PCDHA4: variants seen among roughly 807,000 people sequenced by gnomAD.
PCDHA4 encodes the protein protocadherin alpha 4.
PCDHA4 carries 49 observed loss-of-function variants against 61.4 expected under a neutral mutation model. The observed-to-expected ratio is 0.80, with a 90% CI of 0.63 to 1.01. The LOEUF (loss-of-function observed/expected upper bound fraction) is 1.01. Ranked by LOEUF, PCDHA4 falls within the 50% of genes least tolerant of loss-of-function variation. The pLI is 0.00. For synonymous variants in PCDHA4, 590 were observed against 550.3 expected (o/e 1.07, Z -1.01); for missense variants, 1,254 against 1,235.8 (o/e 1.01, Z -0.22).
In PCDHA4 at chr5:140,852,833, T is replaced by C; in HGVS notation, c.2385+43261T>C. 14 of 971,734 alleles carry C rather than the reference T, an allele frequency of 1.4e-5. 1 individual carries two copies. Among genetic ancestry groups the C allele is most frequent in the Non-Finnish European group, 1.5e-5 (12 of 804,770 alleles). 60.2% of individuals were successfully genotyped at this position (971,734 alleles called of 1,614,324 possible). On this transcript the variant is annotated intron_variant, in intron 1 of 3. Transcript: ENST00000530339. ...CCCGCCCTAAGTCCTCCAGTCTCCT[T>C]AGAGCTAGTACTTACTAAGCATTTA...
intron 1 of PCDHA4, chr5:140,836,280 A>T: frequency 6.2e-7 from 1 of 1,613,762 alleles, no homozygotes; most frequent in South Asian, 1.1e-5. Flanking sequence ...TGAGATCAGC[A>T]CGACACGAGC....
At chr5:140,883,303 T>C in intron 1 of PCDHA4, 3 of 1,614,096 alleles carry the variant, frequency 1.9e-6, no homozygotes, top group Non-Finnish European at 2.5e-6. Flanking sequence ...ATGTAAATGA[T>C]AACGCCCCAG....
chr5:140,821,559 G>A (rs1767000496), intron 1 of PCDHA4: 2 of 518,472 alleles, frequency 3.9e-6, no homozygotes, highest in Admixed American at 3.7e-5. Context: ...ACATGATGTC[G>A]CTGGACACCG....
chr5:140,813,192 G>C (rs1441562643), intron 1 of PCDHA4: 6 of 152,124 alleles, frequency 3.9e-5, no homozygotes, highest in African/African-American at 1.4e-4. Flanking sequence ...CTGCTTCCTT[G>C]CTGATTTTCT....
intron 1 of PCDHA4, chr5:140,927,446 T>C (rs1554204540): frequency 6.2e-7 from 1 of 1,614,128 alleles, no homozygotes; most frequent in Non-Finnish European, 8.5e-7. Flanking sequence ...TACCCGGAGT[T>C]GGTGTTGGAG....
rs200919454 is a variant in PCDHA4 at position 140,828,210 on chromosome 5, A to C, written c.2385+18638A>C. The C allele has an allele frequency of 4.6e-5, 74 of 1,613,938 alleles. No individual in the cohort carries two copies. The highest frequency in any genetic ancestry group is 5.9e-5 in the Non-Finnish European group (70 of 1,180,054). ...CACTACTCCGTACCCGAGGAGGCCA[A>C]ACACGGCACCTTCGTGGGCCGGATC... On this transcript the variant is annotated intron_variant, in intron 1 of 3. Coordinates refer to ENST00000530339, the MANE Select transcript of PCDHA4 (RefSeq NM_018907.4).
chr5:140,822,720 T>G (rs1554128830), intron 1 of PCDHA4: 1 of 1,611,974 alleles, frequency 6.2e-7, no homozygotes, highest in African/African-American at 1.3e-5. Context: ...ATAACTCATA[T>G]GAAATTAATA....
intron 3 of PCDHA4, among the ~76,000 whole-genome samples, chr5:140,995,012 AGG>A (rs1360435760): frequency 6.6e-6 from 1 of 152,218 alleles, no homozygotes; most frequent in Non-Finnish European, 1.5e-5. Context: ...GTTTATATTT[AGG>A]AAAGAAGATT....
At chr5:140,860,361 A>G (rs2046358077) in intron 1 of PCDHA4, 2 of 152,182 alleles carry the variant, frequency 1.3e-5, no homozygotes, top group African/African-American at 4.8e-5. Flanking sequence ...AGCCTGGATG[A>G]CAAAGTGAGA....
intron 1 of PCDHA4, chr5:140,876,581 C>G (rs782654448): frequency 1.9e-6 from 3 of 1,614,200 alleles, no homozygotes; most frequent in Non-Finnish European, 2.5e-6. Flanking sequence ...ACCGTCATTG[C>G]CCTGATTAGC....
At chr5:141,002,682 G>A (rs536105955) in intron 3 of PCDHA4, among the ~76,000 whole-genome samples, 51 of 152,256 alleles carry the variant, frequency 3.3e-4, no homozygotes, top group African/African-American at 1.0e-3. Flanking sequence ...CCTATACGAC[G>A]TGCAGATTTG....
At chr5:140,829,576 G>A (rs2150170458) in intron 1 of PCDHA4, 2 of 1,612,390 alleles carry the variant, frequency 1.2e-6, no homozygotes, top group Admixed American at 3.3e-5. Context: ...ACTCGCTGGT[G>A]GAGCGGCGGG....
intron 3 of PCDHA4, among the ~76,000 whole-genome samples, chr5:140,992,399 A>G (rs1276372325): frequency 1.3e-5 from 2 of 152,138 alleles, no homozygotes; most frequent in Admixed American, 6.6e-5. Context: ...ACTTAGAGAT[A>G]TTGTTCTGCC....
intron 1 of PCDHA4, among the ~76,000 whole-genome samples, chr5:140,941,202 C>CCTTTCTTCCTTTCTTTTTCTTT (rs1394736170): frequency 8.1e-6 from 1 of 122,742 alleles, no homozygotes; most frequent in African/African-American, 3.0e-5. Flanking sequence ...TTTCTTTCTT[C>CCTTTCTTCCTTTCTTTTTCTTT]CTTTCTTTCT....
chr5:140,841,198 C>T (rs1554138026), intron 1 of PCDHA4: 1 of 1,281,234 alleles, frequency 7.8e-7, no homozygotes, highest in African/African-American at 1.5e-5. Flanking sequence ...TTTTCTCTGA[C>T]AGCATCTGTC....
intron 1 of PCDHA4, among the ~76,000 whole-genome samples, chr5:140,838,112 GT>G (rs1775545429): frequency 6.7e-6 from 1 of 149,312 alleles, no homozygotes; most frequent in Non-Finnish European, 1.5e-5. Context: ...GTGTGTGTGT[GT>G]GTGTGTGTGT....
At chr5:140,823,932 G>C (rs2150130492) in intron 1 of PCDHA4, 1 of 1,613,980 alleles carries the variant, frequency 6.2e-7, no homozygotes. Flanking sequence ...TGTACACCGC[G>C]CTGCGGTGCT....
chr5:140,961,736 T>C (rs1554225571), intron 1 of PCDHA4, among the ~76,000 whole-genome samples: 1 of 152,178 alleles, frequency 6.6e-6, no homozygotes. Context: ...ACAATCACTT[T>C]AGTAATATTA....
At chr5:140,825,158 G>A (rs1302823114) in intron 1 of PCDHA4, 2 of 151,148 alleles carry the variant, frequency 1.3e-5, no homozygotes, top group East Asian at 3.9e-4. Flanking sequence ...TTTTAATCTT[G>A]CTTTTTTCAT....
Sources: allele counts gnomAD v4.1 joint callset (sites outside exome capture counted in the v4.1 genomes callset), GRCh38; gene constraint gnomAD v4.1.1; transcripts MANE v1.5; gene names NCBI Gene and HGNC (gene_info 2026-07-23, HGNC 2026-07-21).